NTN1: variants seen among roughly 807,000 people sequenced by gnomAD.
NTN1 encodes the protein netrin 1.
A neutral mutation model predicts 54.2 loss-of-function variants in NTN1; 11 were observed. The ratio of observed to expected loss-of-function variants is 0.20; its 90% CI spans 0.13 to 0.34. The LOEUF (loss-of-function observed/expected upper bound fraction) is 0.34, where lower values mean the gene tolerates loss of function less well. Among genes scored for constraint, NTN1 ranks in the 10% least tolerant of loss-of-function variants. The pLI is 1.00. For missense variants in NTN1, 740 were observed against 893.1 expected (o/e 0.83, Z 2.18); for synonymous variants, 371 against 382.0 (o/e 0.97, Z 0.33).
intron 2 of NTN1, among the ~76,000 whole-genome samples, chr17:9,118,511 T>A (rs1453239238): frequency 6.6e-6 from 1 of 152,132 alleles, no homozygotes; most frequent in African/African-American, 2.4e-5. Context: ...AAACTCTGTC[T>A]AAAAAACAAA....
intron 2 of NTN1, among the ~76,000 whole-genome samples, chr17:9,026,345 G>A (rs2091870375): frequency 1.4e-5 from 2 of 143,704 alleles, no homozygotes; most frequent in Non-Finnish European, 1.5e-5. Context: ...AAATGTGAAC[G>A]TTCATAAAGC....
At chr17:9,144,523 A>G (rs1160298971) in intron 2 of NTN1, among the ~76,000 whole-genome samples, 1 of 152,160 alleles carries the variant, frequency 6.6e-6, no homozygotes, top group Non-Finnish European at 1.5e-5. Flanking sequence ...TCCAAGTTGT[A>G]CTGAAGTTGA....
chr17:9,081,487 C>G (rs908638654), intron 2 of NTN1, among the ~76,000 whole-genome samples: 7 of 152,200 alleles, frequency 4.6e-5, no homozygotes, highest in Non-Finnish European at 1.0e-4. Flanking sequence ...CACCCAAGCT[C>G]TGTTCACATG....
chr17:9,115,137 C>CCTT (rs1421969870), intron 2 of NTN1, among the ~76,000 whole-genome samples: 1 of 152,246 alleles, frequency 6.6e-6, no homozygotes, highest in African/African-American at 2.4e-5. Flanking sequence ...CCCTCTCCTT[C>CCTT]TGCCTCAGCT....
chr17:9,112,898 G>T lies in NTN1; in HGVS notation c.1019-49915G>T, dbSNP rs147351349. 1.3e-3 allele frequency among the ~76,000 whole-genome samples: 201 copies of T among 151,668 alleles called. 1 individual carries two copies. The highest frequency in any genetic ancestry group is 4.5e-3 in the African/African-American group (187 of 41,332). ...TGCTGTCTAGCATCCCCAAGCTCAA[G>T]AAGACTGTGATTTGCTTTATGGAGA... On this transcript the variant is annotated intron_variant, in intron 2 of 6. Transcript: ENST00000173229.
chr17:9,221,161 C>CCCCCCCCA lies in NTN1; in HGVS notation c.1412-6_1412-5insCCCCCCAC. The CCCCCCCCA allele has an allele frequency of 1.3e-6, 2 of 1,592,540 alleles. No homozygotes were observed. Among genetic ancestry groups the CCCCCCCCA allele is most frequent in the Admixed American group, 1.7e-5 (1 of 59,954 alleles). On this transcript the variant is annotated splice_polypyrimidine_tract_variant and splice_region_variant and intron_variant, in intron 5 of 6. Transcript: ENST00000173229. This position sits in a 1 kb window ranked among gnomAD's most constrained non-coding sequence, Gnocchi z 4.5. The stretch of plus-strand genomic sequence containing the variant: ...TTTGTCTGTGCTCCCCCCCCACCCC[C>CCCCCCCCA]CTGCAGACTGCGATTCCTACTGCAA...
intron 2 of NTN1, among the ~76,000 whole-genome samples, chr17:9,138,332 G>C (rs908511988): frequency 6.6e-6 from 1 of 152,182 alleles, no homozygotes; most frequent in African/African-American, 2.4e-5. Flanking sequence ...AGAGACAAGT[G>C]GTGGGGGCCC....
At chr17:9,011,336 G>A in the NTN1 span, among the ~76,000 whole-genome samples, 293 of 152,228 alleles carry the variant, frequency 1.9e-3, no homozygotes, top group African/African-American at 6.4e-3. Flanking sequence ...TCTCATGGCT[G>A]CTGGTATCCC....
chr17:9,188,946 G>C (rs1408480885), intron 5 of NTN1, among the ~76,000 whole-genome samples: 1 of 152,174 alleles, frequency 6.6e-6, no homozygotes, highest in East Asian at 1.9e-4. Flanking sequence ...GTATGAAGCG[G>C]GATGTTAGGC....
At chr17:9,231,771 C>T (rs1463506672) in intron 6 of NTN1, among the ~76,000 whole-genome samples, 2 of 150,398 alleles carry the variant, frequency 1.3e-5, no homozygotes, top group Admixed American at 6.8e-5. Context: ...AAACACCTTC[C>T]ACACCAAGCC....
At chr17:9,054,215 A>C (rs1283201303) in intron 2 of NTN1, among the ~76,000 whole-genome samples, 2 of 152,206 alleles carry the variant, frequency 1.3e-5, no homozygotes, top group African/African-American at 4.8e-5. Flanking sequence ...TCTGATTCAC[A>C]AGCTAATTTC....
intron 2 of NTN1, among the ~76,000 whole-genome samples, chr17:9,030,101 TC>T (rs2091884453): frequency 6.6e-6 from 1 of 152,158 alleles, no homozygotes; most frequent in Admixed American, 6.5e-5. Context: ...AGTTCTCCCC[TC>T]TGATGGAGAG....
chr17:9,023,593 T>C (rs2091860908), intron 2 of NTN1, among the ~76,000 whole-genome samples: 1 of 152,210 alleles, frequency 6.6e-6, no homozygotes, highest in Non-Finnish European at 1.5e-5. Flanking sequence ...TTGCGCCCAG[T>C]GCTCTCTGCG....
At chr17:9,030,586 A>G (rs575580248) in intron 2 of NTN1, among the ~76,000 whole-genome samples, 1 of 152,218 alleles carries the variant, frequency 6.6e-6, no homozygotes, top group African/African-American at 2.4e-5. Context: ...CTCTACTAAA[A>G]ATACAAAAAT....
At chr17:9,128,533 G>A (rs9912264) in intron 2 of NTN1, among the ~76,000 whole-genome samples, 4,334 of 152,288 alleles carry the variant, frequency 0.028, 221 homozygotes, top group African/African-American at 0.098. Flanking sequence ...AAAGCAGTGA[G>A]ACTGGCCCTC....
chr17:9,065,000 A>G (rs1040461943), intron 2 of NTN1, among the ~76,000 whole-genome samples: 1 of 152,056 alleles, frequency 6.6e-6, no homozygotes, highest in Non-Finnish European at 1.5e-5. Context: ...GCAGTGGTGC[A>G]ATCTCGGCTC....
intron 5 of NTN1, among the ~76,000 whole-genome samples, chr17:9,218,254 C>T (rs1295191553): frequency 6.6e-6 from 1 of 152,192 alleles, no homozygotes; most frequent in Non-Finnish European, 1.5e-5. Flanking sequence ...GCCAGACTGC[C>T]TCATTGGGCA....
At chr17:9,143,590 T>G (rs559636540) in intron 2 of NTN1, among the ~76,000 whole-genome samples, 1 of 152,326 alleles carries the variant, frequency 6.6e-6, no homozygotes, top group South Asian at 2.1e-4. Context: ...GGGATGGGAC[T>G]CTCCTGGTGA....
intron 2 of NTN1, among the ~76,000 whole-genome samples, chr17:9,031,046 A>AT (rs2091887054): frequency 6.6e-6 from 1 of 151,942 alleles, no homozygotes; most frequent in Non-Finnish European, 1.5e-5. Context: ...GATTTTCTAG[A>AT]TTTTTCCCGT....
Sources: allele counts gnomAD v4.1 joint callset (sites outside exome capture counted in the v4.1 genomes callset), GRCh38; gene constraint gnomAD v4.1.1; non-coding constraint Gnocchi (gnomAD v3.1); transcripts MANE v1.5; gene names NCBI Gene and HGNC (gene_info 2026-07-23, HGNC 2026-07-21).